USP9X: variants seen among roughly 807,000 people sequenced by gnomAD.
USP9X encodes the protein ubiquitin specific peptidase 9 X-linked.
Under a neutral mutation model 190.3 loss-of-function variants are expected in USP9X, and 7 were observed. The observed-to-expected ratio is 0.04, with a 90% CI of 0.02 to 0.07. The LOEUF (loss-of-function observed/expected upper bound fraction) is 0.07. USP9X is among the 10% of genes least tolerant of loss of function. The pLI is 1.00. For missense variants in USP9X, 1,010 were observed against 1,916.9 expected, an observed-to-expected ratio of 0.53 and a Z score of 8.83; for synonymous variants, 645 against 659.5, an observed-to-expected ratio of 0.98 and a Z score of 0.34.
At chrX:41,187,641 G>A (rs759587358) in intron 24 of USP9X, among the ~76,000 whole-genome samples, 30 of 111,894 alleles carry the variant, frequency 2.7e-4, no homozygotes, top group Non-Finnish European at 5.6e-4. Context: ...GTACTTTGTT[G>A]TATTGCTGTT....
At chrX:41,173,246 T>C (rs752037902) in intron 21 of USP9X, among the ~76,000 whole-genome samples, 7 of 111,742 alleles carry the variant, frequency 6.3e-5, no homozygotes, top group Admixed American at 9.5e-5. Flanking sequence ...TTTGTCTCCT[T>C]AGTGATCCTT....
chrX:41,140,805 C>T, intron 7 of USP9X, 34 bp downstream of exon 7: 1 of 1,122,928 alleles, frequency 8.9e-7, no homozygotes, highest in South Asian at 2.1e-5. Flanking sequence ...GGTTAGTGCA[C>T]CGTAGAATTG....
At chrX:41,230,805 CAAG>C (rs1047286319) in intron 44 of USP9X, among the ~76,000 whole-genome samples, 1 of 111,398 alleles carries the variant, frequency 9.0e-6, no homozygotes, top group African/African-American at 3.3e-5. Flanking sequence ...TTTTCCTTGT[CAAG>C]AAGGTGTCCT....
chrX:41,099,013 C>T (rs1171461707), intron 1 of USP9X, among the ~76,000 whole-genome samples: 1 of 107,893 alleles, frequency 9.3e-6, no homozygotes, highest in Admixed American at 1.0e-4. Context: ...GCAGCCTTGT[C>T]CTTCCAGGCT....
chrX:41,198,733 T>C lies in USP9X; in HGVS notation c.4586T>C (p.Ile1529Thr). ...IVDSLTEMYY[I>T]GTAITTCEAL... ...GATTCTTTGACTGAAATGTATTACA[T>C]TGGCACAGCAATAACTAGTAAGTAT... The change falls in exon 30 of 45, where the codon ATT becomes ACT. Residue 1529 changes from isoleucine to threonine, a missense_variant. Ile to Thr is a moderately conservative substitution (Grantham distance 89). This residue lies in a region of USP9X where 120 missense variants were observed against 342.7 expected (regional missense o/e 0.35). Transcript: ENST00000378308. The C allele has an allele frequency of 8.3e-7, 1 of 1,201,950 alleles. No individual in the cohort carries two copies. The highest frequency in any genetic ancestry group is 1.1e-6 in the Non-Finnish European group (1 of 887,678).
At chrX:41,232,235 T>TTGTTTC (rs1396573355) in intron 44 of USP9X, 152 bp from the exon 45 acceptor site, 12 of 580,681 alleles carry the variant, frequency 2.1e-5, no homozygotes, top group South Asian at 8.3e-5. Flanking sequence ...GTTTTTGTTT[T>TTGTTTC]TGTTTTTGTT....
At chrX:41,111,299 G>C (rs985034602) in intron 1 of USP9X, among the ~76,000 whole-genome samples, 1 of 111,771 alleles carries the variant, frequency 8.9e-6, no homozygotes, top group Non-Finnish European at 1.9e-5. Flanking sequence ...CTGTAAACCA[G>C]AACGCAGGCC....
chrX:41,215,789 C>T, intron 34 of USP9X, 110 bp from the exon 35 acceptor site: 1 of 795,610 alleles, frequency 1.3e-6, no homozygotes, highest in Non-Finnish European at 1.8e-6. Context: ...TTTGTTTATA[C>T]TTAAAAATTC....
intron 20 of USP9X, among the ~76,000 whole-genome samples, chrX:41,171,433 C>T (rs1459233589): frequency 8.9e-6 from 1 of 112,203 alleles, no homozygotes; most frequent in East Asian, 2.8e-4. Flanking sequence ...TATTTTTAAG[C>T]TCTCCTTTCG....
chrX:41,093,992 G>GA (rs2061971488), intron 1 of USP9X, among the ~76,000 whole-genome samples: 1 of 110,559 alleles, frequency 9.0e-6, no homozygotes, highest in African/African-American at 3.3e-5. Context: ...TGAAAATATA[G>GA]AAAATCTCAT....
Position 41,123,689 on chromosome X carries a change from G to C in USP9X, c.61G>C (p.Asp21His), listed in dbSNP as rs761337741. The C allele has an allele frequency of 5.0e-6, 6 of 1,211,979 alleles. No individual in the cohort carries two copies. The highest frequency in any genetic ancestry group is 6.7e-6 in the Non-Finnish European group (6 of 895,513). Residue 21 changes from aspartate to histidine, a missense_variant, in exon 2 of 45, where the codon GAT becomes CAT. Transcript: ENST00000378308. ...GAATGACAACCAGGGCCAGGCTCCT[G>C]ATGGACAGTCTCAGCCCCCCCTCCA... is the stretch of plus-strand genomic sequence containing the variant. Reference protein sequence around the residue: ...GGNDNQGQAPDGQSQPPLQQN... With the variant: ...GGNDNQGQAPHGQSQPPLQQN...
At chrX:41,143,698 C>G (rs1324257111) in intron 10 of USP9X, among the ~76,000 whole-genome samples, 1 of 111,897 alleles carries the variant, frequency 8.9e-6, no homozygotes, top group East Asian at 2.8e-4. Context: ...ACAGTAAAAT[C>G]ATAAGGAATG....
In USP9X at chrX:41,215,876, TA is replaced by T. The variant is rs781433849; in HGVS notation, c.5332-21del. 248 of 1,173,617 alleles carry T rather than the reference TA, an allele frequency of 2.1e-4. 1 individual carries two copies. The highest frequency in any genetic ancestry group is 2.7e-4 in the Non-Finnish European group (239 of 877,148). On this transcript the variant is annotated intron_variant, in intron 34 of 44. Coordinates refer to ENST00000378308, the MANE Select transcript of USP9X (RefSeq NM_001039591.3). ...CTGTGGATTTTAATAGAACATCTGG[TA>T]ACTTTGTCTTGTTTATTTTAGGTTG...
intron 18 of USP9X, among the ~76,000 whole-genome samples, chrX:41,169,113 G>A: frequency 1.0e-5 from 1 of 100,285 alleles, no homozygotes; most frequent in Middle Eastern, 4.9e-3. Flanking sequence ...CCTTTTAAAT[G>A]TAAAAGGTAA....
intron 32 of USP9X, among the ~76,000 whole-genome samples, chrX:41,209,899 T>C (rs1035558745): frequency 1.8e-5 from 2 of 111,997 alleles, no homozygotes; most frequent in African/African-American, 6.5e-5. Context: ...TCAGGTATTA[T>C]TGATAGTTTC....
chrX:41,089,676 T>TA (rs1367982164), intron 1 of USP9X, among the ~76,000 whole-genome samples: 1 of 111,588 alleles, frequency 9.0e-6, no homozygotes, highest in Non-Finnish European at 1.9e-5. Context: ...TTTGAGAATT[T>TA]AGAGTTTTAT....
Position 41,128,861 on chromosome X carries a change from T to C in USP9X, c.97-139T>C. 8.0e-6 allele frequency: 5 copies of C among 626,196 alleles called. No homozygotes were observed. The Middle Eastern group carries it at 1.6e-3, about 195-fold the overall frequency. 51.6% of individuals were successfully genotyped at this position (626,196 alleles called of 1,213,427 possible). On this transcript the variant is annotated intron_variant, in intron 2 of 44. Coordinates refer to ENST00000378308, the MANE Select transcript of USP9X (RefSeq NM_001039591.3). ...TCGATCCAAGGTTGTTGGTTGACTTTGCAGATGCAGAACCCATGGATATGT... is the reference window on the plus strand; with the variant it reads ...TCGATCCAAGGTTGTTGGTTGACTTCGCAGATGCAGAACCCATGGATATGT...
intron 38 of USP9X, among the ~76,000 whole-genome samples, chrX:41,219,614 T>A (rs755119275): frequency 5.4e-5 from 6 of 111,262 alleles, no homozygotes; most frequent in Non-Finnish European, 1.1e-4. Context: ...CTCACCAAAT[T>A]TAGATAGCAG....
At chrX:41,087,506 G>A (rs2061922405) in intron 1 of USP9X, among the ~76,000 whole-genome samples, 1 of 112,110 alleles carries the variant, frequency 8.9e-6, no homozygotes, top group Non-Finnish European at 1.9e-5. Context: ...TCAAATTCTT[G>A]AAGAATTATG....
Sources: gnomAD v4.1 joint callset for allele counts (sites outside exome capture counted in the v4.1 genomes callset) on GRCh38, gnomAD v4.1.1 for gene constraint, gnomAD v4.1.1 regional missense constraint, MANE v1.5 for transcripts, NCBI Gene and HGNC (gene_info 2026-07-23, HGNC 2026-07-21) for gene names.